Variants in NFAT5 observed in about 807,000 individuals in gnomAD.
The protein encoded by NFAT5 is nuclear factor of activated T cells 5.
NFAT5 carries 31 observed loss-of-function variants against 166.5 expected under a neutral mutation model. The ratio of observed to expected loss-of-function variants is 0.19; its 90% CI spans 0.14 to 0.25. The LOEUF is 0.25. Ranked by LOEUF, NFAT5 falls within the 10% of genes least tolerant of loss-of-function variation. The pLI, the probability that NFAT5 is intolerant of heterozygous loss-of-function variation, is 1.00. For missense variants in NFAT5, 1,449 were observed against 1,821.8 expected, an observed-to-expected ratio of 0.80 and a Z score of 3.72; for synonymous variants, 612 against 639.7, an observed-to-expected ratio of 0.96 and a Z score of 0.65.
rs374016821 is a variant in NFAT5 at position 69,692,001 on chromosome 16, G to T, written c.2176G>T (p.Ala726Ser). 6.2e-7 allele frequency: 1 copy of T among 1,614,150 alleles called. No homozygotes were observed. ...LPNSDALLQQ[A>S]TQFQTRETQS... Reference sequence around the variant, plus strand: ...CAACAGCGATGCACTATTGCAGCAGGCTACACAGTTTCAGACAAGAGAAAC... The same window carrying T: ...CAACAGCGATGCACTATTGCAGCAGTCTACACAGTTTCAGACAAGAGAAAC... Residue 726 changes from alanine to serine, a missense_variant, in exon 13 of 15, where the codon GCT becomes TCT. This residue lies in a region of NFAT5 where 891 missense variants were observed against 993.0 expected (regional missense o/e 0.90). Coordinates refer to ENST00000349945, the MANE Select transcript of NFAT5 (RefSeq NM_138713.4).
chr16:69,663,220 T>C (rs2036224402), intron 7 of NFAT5, among the ~76,000 whole-genome samples: 1 of 152,202 alleles, frequency 6.6e-6, no homozygotes, highest in Admixed American at 6.5e-5. Context: ...ATTTCTAATA[T>C]CAGGATTCAT....
chr16:69,691,043 T>A lies in NFAT5; in HGVS notation c.1878T>A (p.Thr626=). The change falls in exon 12 of 15, where the codon ACT becomes ACA. Residue 626 remains threonine, a synonymous_variant. Coordinates refer to ENST00000349945, the MANE Select transcript of NFAT5 (RefSeq NM_138713.4). ...PSSMIKSEDV[T]PMEVTAEKRS... Reference sequence around the variant, plus strand: ...GTATGATTAAGAGTGAAGATGTTACTCCAATGGAAGTAACAGCAGAAAAAA... The same window carrying A: ...GTATGATTAAGAGTGAAGATGTTACACCAATGGAAGTAACAGCAGAAAAAA... 3 of 1,607,568 alleles carry A rather than the reference T, an allele frequency of 1.9e-6. No homozygotes were observed. The highest frequency in any genetic ancestry group is 1.7e-6 in the Non-Finnish European group (2 of 1,177,232).
chr16:69,632,288 A>G (rs967481083), intron 3 of NFAT5: 13 of 152,220 alleles, frequency 8.5e-5, no homozygotes, highest in African/African-American at 3.1e-4. Context: ...CTATGTGACA[A>G]GAATTGTGTT....
At chr16:69,662,499 C>T (rs960725629) in intron 7 of NFAT5, among the ~76,000 whole-genome samples, 5 of 144,292 alleles carry the variant, frequency 3.5e-5, no homozygotes, top group African/African-American at 7.9e-5. Flanking sequence ...CTCTGTTGCC[C>T]AGGCTGAAGT....
chr16:69,682,331 G>A (rs1442698545), intron 10 of NFAT5, among the ~76,000 whole-genome samples: 1 of 150,970 alleles, frequency 6.6e-6, no homozygotes, highest in Non-Finnish European at 1.5e-5. Context: ...TTACTGGCTG[G>A]GTGAGGTGGC....
intron 10 of NFAT5, among the ~76,000 whole-genome samples, chr16:69,682,361 A>T (rs2037101464): frequency 6.6e-6 from 1 of 150,872 alleles, no homozygotes; most frequent in Admixed American, 6.6e-5. Flanking sequence ...TGGTCCTGAC[A>T]CTTCAGGAGG....
At chr16:69,586,960 G>A (rs2032107926) in intron 2 of NFAT5, among the ~76,000 whole-genome samples, 1 of 152,006 alleles carries the variant, frequency 6.6e-6, no homozygotes, top group African/African-American at 2.4e-5. Flanking sequence ...ACATTGGTAG[G>A]GGTTCATGAA....
At chr16:69,590,406 C>A (rs1411451082) in intron 2 of NFAT5, among the ~76,000 whole-genome samples, 1 of 152,086 alleles carries the variant, frequency 6.6e-6, no homozygotes, top group African/African-American at 2.4e-5. Flanking sequence ...AGTCAAAGTT[C>A]AGGATTTTTT....
rs531424757 is a variant in NFAT5 at position 69,688,212 on chromosome 16, A to AACAAAAAAC, written c.1775-2727_1775-2726insCAAAAAACA. On this transcript the variant is annotated intron_variant, in intron 11 of 14. Coordinates refer to ENST00000349945, the MANE Select transcript of NFAT5 (RefSeq NM_138713.4). ...AGCGAGACTCCGTCTCAAAAAAAAA[A>AACAAAAAAC]AAAAAAAAAAAAAACCAGGAGTTTG... Among the ~76,000 whole-genome samples the AACAAAAAAC allele has an allele frequency of 6.4e-5, 8 of 124,742 alleles. 1 individual carries two copies. The highest frequency in any genetic ancestry group is 2.6e-4 in the African/African-American group (7 of 27,380). 81.8% of individuals were successfully genotyped at this position (124,742 alleles called of 152,430 possible). A position where few individuals can be genotyped will look rare whatever the true frequency, so the allele number is the denominator to read the frequency against.
At chr16:69,668,753 A>T (rs2036504234) in intron 7 of NFAT5, among the ~76,000 whole-genome samples, 1 of 151,958 alleles carries the variant, frequency 6.6e-6, no homozygotes, top group Admixed American at 6.6e-5. Flanking sequence ...ATCTTGGCTC[A>T]CAGCAACCTC....
At chr16:69,574,852 A>C (rs1016032968) in intron 2 of NFAT5, among the ~76,000 whole-genome samples, 4 of 151,820 alleles carry the variant, frequency 2.6e-5, no homozygotes, top group African/African-American at 9.7e-5. Context: ...GTATTTTTTT[A>C]GTAGAGATGG....
intron 3 of NFAT5, among the ~76,000 whole-genome samples, chr16:69,638,735 CAAA>C (rs34075469): frequency 1.1e-4 from 10 of 88,180 alleles, no homozygotes; most frequent in African/African-American, 2.9e-4. Context: ...GACTCGGTCT[CAAA>C]AAAAAAAAAA....
At chr16:69,591,115 A>G (rs1239009025) in intron 2 of NFAT5, among the ~76,000 whole-genome samples, 3 of 152,042 alleles carry the variant, frequency 2.0e-5, no homozygotes, top group South Asian at 2.1e-4. Context: ...TATTTTTAGT[A>G]GAGATGGGGT....
chr16:69,659,966 C>G, intron 7 of NFAT5, 67 bp downstream of exon 7: 1 of 1,319,718 alleles, frequency 7.6e-7, no homozygotes, highest in Non-Finnish European at 1.0e-6. Flanking sequence ...ATCTTTTAGA[C>G]ATCTCTAAAT....
At chr16:69,568,393 T>G (rs201065189) in intron 1 of NFAT5, 102 bp from the exon 2 acceptor site, 1 of 501,678 alleles carries the variant, frequency 2.0e-6, no homozygotes, top group Non-Finnish European at 3.6e-6. Context: ...TATATATATA[T>G]ACACACACAC....
intron 11 of NFAT5, chr16:69,690,676 T>TG: frequency 5.2e-6 from 1 of 190,896 alleles, no homozygotes; most frequent in Non-Finnish European, 1.1e-5. Flanking sequence ...GGAACCGTCT[T>TG]GGGGAATATA....
chr16:69,598,275 G>A (rs1018370785), intron 2 of NFAT5, among the ~76,000 whole-genome samples: 7 of 151,446 alleles, frequency 4.6e-5, no homozygotes, highest in African/African-American at 1.7e-4. Flanking sequence ...CTACTCAGGA[G>A]CCTGAAGTAG....
At chr16:69,594,441 TAA>T (rs1303551981) in intron 2 of NFAT5, among the ~76,000 whole-genome samples, 3 of 152,236 alleles carry the variant, frequency 2.0e-5, no homozygotes, top group African/African-American at 7.2e-5. Context: ...TTATAATTTA[TAA>T]GTCTTTATGT....
rs1468209163 is a variant in NFAT5, at chr16:69,647,406, A to G, written c.632A>G (p.Asp211Gly). Residue 211 changes from aspartate to glycine, a missense_variant, in exon 4 of 15, where the codon GAT (aspartate) becomes GGT (glycine). By Grantham distance (94) the Asp-to-Gly change is moderately conservative. This residue lies in a region of NFAT5 where 115 missense variants were observed against 177.1 expected (regional missense o/e 0.65). Coordinates refer to ENST00000349945, the MANE Select transcript of NFAT5 (RefSeq NM_138713.4). This position sits in a 1 kb window ranked among gnomAD's most constrained non-coding sequence, Gnocchi z 4.8. Reference protein sequence around the residue: ...FSNMSTSSYNDNTEVPRKSRK... With the variant: ...FSNMSTSSYNGNTEVPRKSRK... Reference sequence around the variant, plus strand: ...AACATGAGCACCAGTTCCTACAATGATAACACTGAGGTACCTCGTAAATCA... The same window carrying G: ...AACATGAGCACCAGTTCCTACAATGGTAACACTGAGGTACCTCGTAAATCA... The G allele has an allele frequency of 6.2e-7, 1 of 1,614,076 alleles. No individual in the cohort carries two copies. The highest frequency in any genetic ancestry group is 8.5e-7 in the Non-Finnish European group (1 of 1,180,044).
Sources: gnomAD v4.1 joint callset for allele counts (sites outside exome capture counted in the v4.1 genomes callset) on GRCh38, gnomAD v4.1.1 for gene constraint, gnomAD v4.1.1 regional missense constraint, Gnocchi (gnomAD v3.1) non-coding constraint, MANE v1.5 for transcripts, NCBI Gene and HGNC (gene_info 2026-07-23, HGNC 2026-07-21) for gene names.